TOPBP1: variants seen among roughly 807,000 people sequenced by gnomAD.
The protein encoded by TOPBP1 is DNA topoisomerase 2-binding protein 1.
A neutral mutation model predicts 167.7 loss-of-function variants in TOPBP1; 28 were observed. The observed-to-expected ratio is 0.17, with a 90% confidence interval of 0.12 to 0.23. TOPBP1 has a LOEUF of 0.23. Ranked by LOEUF, TOPBP1 falls within the 10% of genes least tolerant of loss-of-function variation. TOPBP1 has a pLI of 1.00. For synonymous variants in TOPBP1, 598 were observed against 611.4 expected (o/e 0.98, Z 0.32); for missense variants, 1,554 against 1,809.6 (o/e 0.86, Z 2.56).
chr3:133,605,877 G>A (rs929439979), intron 27 of TOPBP1, among the ~76,000 whole-genome samples: 1 of 152,172 alleles, frequency 6.6e-6, no homozygotes, highest in African/African-American at 2.4e-5. Flanking sequence ...TGTACTAAGT[G>A]AATTTTATTA....
intron 22 of TOPBP1, 95 bp downstream of exon 22, chr3:133,617,065 A>C (rs1271615700): frequency 2.7e-6 from 4 of 1,460,270 alleles, no homozygotes; most frequent in Non-Finnish European, 3.7e-6. Context: ...AGTTTTCAAC[A>C]TTTGATGAAG....
intron 10 of TOPBP1, among the ~76,000 whole-genome samples, chr3:133,645,211 C>T (rs1365168931): frequency 1.3e-5 from 2 of 152,086 alleles, no homozygotes; most frequent in Admixed American, 1.3e-4. Flanking sequence ...AAATTAAGTA[C>T]ACTGCAATAT....
intron 8 of TOPBP1, among the ~76,000 whole-genome samples, chr3:133,650,932 A>C (rs1437452915): frequency 1.3e-5 from 2 of 152,006 alleles, no homozygotes; most frequent in East Asian, 1.9e-4. Context: ...AATATGGTGA[A>C]ACCCTCACCT....
In TOPBP1 at chr3:133,618,385, A is replaced by G; in HGVS notation, c.3420T>C (p.Asn1140=). The change falls in exon 21 of 28, where the codon AAT becomes AAC. Residue 1140 remains asparagine, a synonymous_variant. Coordinates refer to ENST00000260810, the MANE Select transcript of TOPBP1 (RefSeq NM_007027.4). The stretch of plus-strand genomic sequence containing the variant: ...TAGGGTCATCCCAAATGATCTGTTC[A>G]TTTTGGGAAGGCTCTGTGTTGACAT... ...VPDVNTEPSQ[N]EQIIWDDPTA... 1 of 1,613,932 alleles carries G rather than the reference A, an allele frequency of 6.2e-7. No individual in the cohort carries two copies. Among genetic ancestry groups the G allele is most frequent in the Non-Finnish European group, 8.5e-7 (1 of 1,179,848 alleles).
intron 12 of TOPBP1, among the ~76,000 whole-genome samples, chr3:133,641,400 C>G (rs1935886469): frequency 6.6e-6 from 1 of 152,154 alleles, no homozygotes. Context: ...GGGTCTTGCT[C>G]TGTCCTCCAG....
chr3:133,637,978 T>C lies in TOPBP1; in HGVS notation c.2418A>G (p.Pro806=), dbSNP rs1264594910. 2.5e-6 allele frequency: 4 copies of C among 1,613,958 alleles called. No individual in the cohort carries two copies. The highest frequency in any genetic ancestry group is 3.4e-6 in the Non-Finnish European group (4 of 1,179,870). The change falls in exon 14 of 28, where the codon CCA becomes CCG. Residue 806 remains proline (P), a synonymous_variant. Transcript: ENST00000260810. ...CCTTCTGAAGTGGTTGTCCTACTGC[T>C]GGGGAGGCTGCGACCTGTCTGGCAT... The part of the protein sequence containing the change: ...SQHARQVAAS[P]AVGQPLQKEP...
At chr3:133,606,806 T>TG (rs1934508639) in intron 27 of TOPBP1, among the ~76,000 whole-genome samples, 1 of 152,072 alleles carries the variant, frequency 6.6e-6, no homozygotes, top group Admixed American at 6.6e-5. Flanking sequence ...GATATCTATA[T>TG]GGAAAAAAAC....
chr3:133,656,973 T>C (rs1319119553), intron 4 of TOPBP1, 116 bp from the exon 5 acceptor site: 1 of 924,666 alleles, frequency 1.1e-6, no homozygotes, highest in Admixed American at 3.1e-5. Flanking sequence ...AAGTGTTACA[T>C]AACATTATAA....
intron 20 of TOPBP1, 79 bp downstream of exon 20, chr3:133,620,076 G>T: frequency 7.1e-7 from 1 of 1,415,708 alleles, no homozygotes; most frequent in Non-Finnish European, 9.4e-7. Flanking sequence ...CCAAGCTCAT[G>T]GAATTGAGTC....
At chr3:133,634,706 A>G (rs947371882) in intron 14 of TOPBP1, among the ~76,000 whole-genome samples, 5 of 152,246 alleles carry the variant, frequency 3.3e-5, no homozygotes, top group African/African-American at 1.2e-4. Context: ...AGCTAAGAAT[A>G]GTACATCCAA....
At chr3:133,656,539 T>C (rs1936483145) in intron 5 of TOPBP1, 137 bp downstream of exon 5, 2 of 821,526 alleles carry the variant, frequency 2.4e-6, no homozygotes, top group Admixed American at 3.6e-5. Context: ...GATTCTGCTC[T>C]TCCGTTTTCG....
chr3:133,656,819 T>A lies in TOPBP1; in HGVS notation c.402A>T (p.Arg134=). 6.2e-7 allele frequency: 1 copy of A among 1,603,154 alleles called. No individual in the cohort carries two copies. The highest frequency in any genetic ancestry group is 8.5e-7 in the Non-Finnish European group (1 of 1,175,866). The part of the protein sequence containing the change: ...VHKYVQMMGG[R]VYRDLNVSVT... ...CTGATACATTAAGGTCTCTGTATAC[T>A]CGTCCGCCCATCATTTGTACATATT... The change falls in exon 5 of 28, where the codon CGA becomes CGT. Residue 134 remains arginine, a synonymous_variant. Coordinates refer to ENST00000260810, the MANE Select transcript of TOPBP1 (RefSeq NM_007027.4).
chr3:133,618,705 C>T (rs1254100212), intron 20 of TOPBP1, among the ~76,000 whole-genome samples: 3 of 152,014 alleles, frequency 2.0e-5, no homozygotes, highest in African/African-American at 7.2e-5. Flanking sequence ...AGAAATTCAA[C>T]AGTGTCAAGA....
At position 133,655,424 on chromosome 3, in the gene TOPBP1, C is replaced by A. The variant is rs758646211; in HGVS notation, c.608G>T (p.Cys203Phe). Residue 203 changes from cysteine to phenylalanine, a missense_variant, in exon 6 of 28, where the codon TGC becomes TTC. Cys to Phe is a radical substitution (Grantham distance 205, BLOSUM62 -2). This residue lies in a region of TOPBP1 where 1,197 missense variants were observed against 1,351.5 expected (regional missense o/e 0.89). Coordinates refer to ENST00000260810, the MANE Select transcript of TOPBP1 (RefSeq NM_007027.4). ...EDFKCPIFLG[C>F]IICVTGLCGL... Reference sequence around the variant, plus strand: ...ACATAAGCCAGTCACACAGATTATGCAACCAAGAAAAATAGGACACTTGAA... The same window carrying A: ...ACATAAGCCAGTCACACAGATTATGAAACCAAGAAAAATAGGACACTTGAA... 49 of 1,599,710 alleles carry A rather than the reference C, an allele frequency of 3.1e-5. No individual in the cohort carries two copies. Among genetic ancestry groups the A allele is most frequent in the Non-Finnish European group, 4.2e-5 (49 of 1,173,722 alleles).
At chr3:133,634,402 G>T (rs928989922) in intron 14 of TOPBP1, among the ~76,000 whole-genome samples, 1 of 152,106 alleles carries the variant, frequency 6.6e-6, no homozygotes, top group Non-Finnish European at 1.5e-5. Flanking sequence ...CCAGCTACTC[G>T]GGAGGCTGAG....
intron 5 of TOPBP1, among the ~76,000 whole-genome samples, chr3:133,656,145 T>C (rs946146469): frequency 6.6e-6 from 1 of 151,532 alleles, no homozygotes; most frequent in African/African-American, 2.4e-5. Context: ...ATGAGGGAAG[T>C]GACTATCTTG....
Position 133,611,145 on chromosome 3 carries a change from G to C in TOPBP1, c.4036-4C>G. On this transcript the variant is annotated splice_region_variant and splice_polypyrimidine_tract_variant and intron_variant, in intron 24 of 27. Transcript: ENST00000260810. ...TTCCCCATTCATAGTCTTCTTCCTAGAGAATTTGTCCAACAAACCTGAGTT... is the reference window on the plus strand; with the variant it reads ...TTCCCCATTCATAGTCTTCTTCCTACAGAATTTGTCCAACAAACCTGAGTT... The C allele has an allele frequency of 1.2e-6, 2 of 1,607,648 alleles. No individual in the cohort carries two copies. Among genetic ancestry groups the C allele is most frequent in the South Asian group, 2.2e-5 (2 of 89,874 alleles).
chr3:133,600,730 G>A lies in TOPBP1; in HGVS notation c.*520C>T, dbSNP rs1934260108. 2 of 152,610 alleles carry A rather than the reference G, an allele frequency of 1.3e-5. No individual in the cohort carries two copies. The highest frequency in any genetic ancestry group is 1.3e-4 in the Admixed American group (2 of 15,276). The allele number at this position is 152,610 out of a possible 1,614,324, so 9.5% of individuals were successfully genotyped here. On this transcript the variant is annotated 3_prime_UTR_variant, in exon 28 of 28. Transcript: ENST00000260810. ...AACTTGGCAAACATCATGGAGATTT[G>A]TACAAACATACATATACATATATAC...
rs1020675124 is a variant in TOPBP1, at chr3:133,616,837, T to C, written c.3848A>G (p.Tyr1283Cys). Residue 1283 changes from tyrosine (Y) to cysteine (C), a missense_variant, in exon 23 of 28, where the codon TAT (tyrosine) becomes TGT (cysteine). By Grantham distance (194) the Tyr-to-Cys change is radical (BLOSUM62 -2). Coordinates refer to ENST00000260810, the MANE Select transcript of TOPBP1 (RefSeq NM_007027.4). ...ACCTAGTTTCTCAATCAGATGACAA[T>C]AGTCAATACGTTCTTGAGGATTCAG... is the stretch of plus-strand genomic sequence containing the variant. ...SSLNPQERID[Y>C]CHLIEKLGGL... is the part of the protein sequence containing the mutation. The C allele has an allele frequency of 1.3e-6, 2 of 1,536,878 alleles. No individual in the cohort carries two copies. Among genetic ancestry groups the C allele is most frequent in the South Asian group, 1.3e-5 (1 of 79,292 alleles).
Sources: gnomAD v4.1 joint callset for allele counts (sites outside exome capture counted in the v4.1 genomes callset) on GRCh38, gnomAD v4.1.1 for gene constraint, gnomAD v4.1.1 regional missense constraint, MANE v1.5 for transcripts, NCBI Gene and HGNC (gene_info 2026-07-23, HGNC 2026-07-21) for gene names.